The following BCL9L variants were observed in gnomAD, a reference collection of about 807,000 sequenced individuals.
BCL9L encodes B-cell CLL/lymphoma 9-like protein.
A neutral mutation model predicts 99.4 loss-of-function variants in BCL9L; 19 were observed. The observed-to-expected ratio is 0.19, with a 90% CI of 0.13 to 0.28. The LOEUF is 0.28. Ranked by LOEUF, BCL9L falls within the 10% of genes least tolerant of loss-of-function variation. The pLI, the probability that BCL9L is intolerant of heterozygous loss-of-function variation, is 1.00. For missense variants in BCL9L, 2,023 were observed against 2,101.6 expected (o/e 0.96, Z 0.73); for synonymous variants, 900 against 854.8 (o/e 1.05, Z -0.92).
rs1415279472 is a variant in BCL9L at position 118,903,917 on chromosome 11, G to A, written c.533-465C>T. The stretch of plus-strand genomic sequence containing the variant: ...CACAGTCTAGTGACCCAGTTAGGGA[G>A]AAGGCAGAGAGGGTACACAAGCTGA... On this transcript the variant is annotated intron_variant, in intron 5 of 9. Coordinates refer to ENST00000683865, the MANE Select transcript of BCL9L (RefSeq NM_001378213.1). This position sits in a 1 kb window ranked among gnomAD's most constrained non-coding sequence, Gnocchi z 5.6. Among the ~76,000 whole-genome samples, 2 of 152,224 alleles carry A rather than the reference G, an allele frequency of 1.3e-5. No homozygotes were observed. The highest frequency in any genetic ancestry group is 2.9e-5 in the Non-Finnish European group (2 of 68,044).
rs1378452995 is a variant in BCL9L, at chr11:118,898,798, G to A, written c.4117C>T (p.Arg1373Trp). ...TGCTGGCCTGGGAGGTTGGGAGGCCGAGAGGGAGTCTGCTCCGCCATCATG... is the reference window on the plus strand; with the variant it reads ...TGCTGGCCTGGGAGGTTGGGAGGCCAAGAGGGAGTCTGCTCCGCCATCATG... ...QNMMAEQTPS[R>W]PPNLPGQQGV... is the part of the protein sequence containing the mutation. Residue 1373 changes from arginine (R) to tryptophan (W), a missense_variant, in exon 10 of 10, where the codon CGG (arginine) becomes TGG (tryptophan). This residue lies in a region of BCL9L where 902 missense variants were observed against 888.2 expected (regional missense o/e 1.02). Transcript: ENST00000683865. 7 of 1,613,932 alleles carry A rather than the reference G, an allele frequency of 4.3e-6. No individual in the cohort carries two copies. The highest frequency in any genetic ancestry group is 1.3e-5 in the African/African-American group (1 of 75,024).
chr11:118,902,664 G>A lies in BCL9L; in HGVS notation c.1079C>T (p.Thr360Ile), dbSNP rs1419699570. 1 of 1,599,522 alleles carries A rather than the reference G, an allele frequency of 6.3e-7. No individual in the cohort carries two copies. Among genetic ancestry groups the A allele is most frequent in the South Asian group, 1.1e-5 (1 of 91,076 alleles). ...GTHPNTPTAT[T>I]ANNPLPPGGD... ...TCCAGGAGGCAGAGGGTTGTTGGCG[G>A]TGGTAGCCGTCGGGGTGTTAGGGTG... The change falls in exon 8 of 10, where the codon ACC becomes ATC. Residue 360 changes from threonine to isoleucine, a missense_variant. By Grantham distance (89) the Thr-to-Ile change is moderately conservative. This residue lies in a region of BCL9L where 1,116 missense variants were observed against 1,194.6 expected (regional missense o/e 0.93). Transcript: ENST00000683865. This position sits in a 1 kb window ranked among gnomAD's most constrained non-coding sequence, Gnocchi z 7.8.
chr11:118,900,665 C>G lies in BCL9L; in HGVS notation c.3078G>C (p.Pro1026=), dbSNP rs764833794. Residue 1026 remains proline (P), a synonymous_variant, in exon 8 of 10, where the codon CCG becomes CCC. Transcript: ENST00000683865. This position sits in a 1 kb window ranked among gnomAD's most constrained non-coding sequence, Gnocchi z 5.3. ...PSPGVSQNKQ[P]PLNMNSSTTL... The stretch of plus-strand genomic sequence containing the variant: ...TGGTGGAAGAGTTCATGTTGAGAGG[C>G]GGCTGCTTGTTCTGGGAGACCCCCG... 26 of 1,612,768 alleles carry G rather than the reference C, an allele frequency of 1.6e-5. No individual in the cohort carries two copies. The highest frequency in any genetic ancestry group is 6.8e-6 in the Non-Finnish European group (8 of 1,179,474).
intron 1 of BCL9L, among the ~76,000 whole-genome samples, chr11:118,919,733 C>T (rs1941090167): frequency 6.6e-6 from 1 of 152,072 alleles, no homozygotes; most frequent in Non-Finnish European, 1.5e-5. Flanking sequence ...AGGAGACCTT[C>T]GGCTGGGCTC....
chr11:118,903,533 C>G lies in BCL9L; in HGVS notation c.533-81G>C. The G allele has an allele frequency of 7.0e-7, 1 of 1,437,930 alleles. No individual in the cohort carries two copies. The allele number at this position is 1,437,930 out of a possible 1,614,324, so 89.1% of individuals were successfully genotyped here. A position where few individuals can be genotyped will look rare whatever the true frequency, so the allele number is the denominator to read the frequency against. On this transcript the variant is annotated intron_variant, in intron 5 of 9. Coordinates refer to ENST00000683865, the MANE Select transcript of BCL9L (RefSeq NM_001378213.1). The surrounding 1 kb of genome is among the most constrained non-coding windows in gnomAD (Gnocchi z 5.6). ...GCTGATGCCCCCTCCCACTGATGCT[C>G]ACAGCCTTACAGCTCGTGCCCACAG...
intron 2 of BCL9L, among the ~76,000 whole-genome samples, chr11:118,911,996 T>C (rs964396802): frequency 6.6e-6 from 1 of 152,232 alleles, no homozygotes; most frequent in African/African-American, 2.4e-5. Flanking sequence ...CAGAAGACTC[T>C]TCCAGTCACC....
chr11:118,903,487 G>A lies in BCL9L; in HGVS notation c.533-35C>T. 1 of 1,605,182 alleles carries A rather than the reference G, an allele frequency of 6.2e-7. No homozygotes were observed. The highest frequency in any genetic ancestry group is 8.5e-7 in the Non-Finnish European group (1 of 1,173,664). The stretch of plus-strand genomic sequence containing the variant: ...AGAGGACAGGGAAAGGGGCTAAGTG[G>A]TCTAGATACAAGAAGGACCAGCTGA... On this transcript the variant is annotated intron_variant, in intron 5 of 9. Coordinates refer to ENST00000683865, the MANE Select transcript of BCL9L (RefSeq NM_001378213.1). The surrounding 1 kb of genome is among the most constrained non-coding windows in gnomAD (Gnocchi z 5.6).
Position 118,908,658 on chromosome 11 carries a change from GGGA to G in BCL9L, c.27-6_27-4del. On this transcript the variant is annotated splice_region_variant and splice_polypyrimidine_tract_variant and intron_variant, in intron 3 of 9. Transcript: ENST00000683865. ...CTCTCCTCCTGGGGTGGGGTAACCT[GGGA>G]GGAGGTGGGAGAAATGTGAAAAGTT... is the stretch of plus-strand genomic sequence containing the variant. 1 of 1,601,518 alleles carries G rather than the reference GGGA, an allele frequency of 6.2e-7. No homozygotes were observed. Among genetic ancestry groups the G allele is most frequent in the South Asian group, 1.1e-5 (1 of 90,402 alleles).
Position 118,896,358 on chromosome 11 carries a change from G to C in BCL9L, c.*2057C>G, listed in dbSNP as rs1390454384. ...CATGGATGGAGGGAAGAGTAGGCTG[G>C]CCTGTGGCGTGGGTGGGAGGAGAGG... On this transcript the variant is annotated 3_prime_UTR_variant, in exon 10 of 10. Transcript: ENST00000683865. 1 of 152,938 alleles carries C rather than the reference G, an allele frequency of 6.5e-6. No homozygotes were observed. The highest frequency in any genetic ancestry group is 1.9e-4 in the East Asian group (1 of 5,178). The allele number at this position is 152,938 out of a possible 1,614,324, so 9.5% of individuals were successfully genotyped here.
chr11:118,899,106 G>A lies in BCL9L; in HGVS notation c.3809C>T (p.Pro1270Leu). Residue 1270 changes from proline to leucine, a missense_variant, in exon 10 of 10, where the codon CCG becomes CTG. By Grantham distance (98) the Pro-to-Leu change is moderately conservative (BLOSUM62 -3). Transcript: ENST00000683865. The stretch of plus-strand genomic sequence containing the variant: ...CTGCTGGGGAGGCATGGGGCCTGGC[G>A]GCTGGTTGGGCAGGTCCTCGGGAGG... ...ALPPEDLPNQPPGPMPPQQHL... is the reference protein window; with the variant it reads ...ALPPEDLPNQLPGPMPPQQHL... 6.3e-7 allele frequency: 1 copy of A among 1,579,752 alleles called. No individual in the cohort carries two copies. The highest frequency in any genetic ancestry group is 8.6e-7 in the Non-Finnish European group (1 of 1,162,340).
rs1050742883 is a variant in BCL9L, at chr11:118,897,946, G to T, written c.*469C>A. The T allele has an allele frequency of 4.5e-6, 2 of 439,700 alleles. No homozygotes were observed. The highest frequency in any genetic ancestry group is 5.4e-5 in the Admixed American group (2 of 36,896). The allele number at this position is 439,700 out of a possible 1,614,324, so 27.2% of individuals were successfully genotyped here. A position where few individuals can be genotyped will look rare whatever the true frequency, so the allele number is the denominator to read the frequency against. ...GATACGAAGCAGGTAAAGACAGAAG[G>T]AAAATGGGCGGGTGCGGAGAAACCA... On this transcript the variant is annotated 3_prime_UTR_variant, in exon 10 of 10. Transcript: ENST00000683865.
Position 118,897,951 on chromosome 11 carries a change from T to C in BCL9L, c.*464A>G, listed in dbSNP as rs1434955070. The C allele has an allele frequency of 4.6e-6, 2 of 437,284 alleles. No homozygotes were observed. Among genetic ancestry groups the C allele is most frequent in the Non-Finnish European group, 9.0e-6 (2 of 221,152 alleles). 27.1% of individuals were successfully genotyped at this position (437,284 alleles called of 1,614,324 possible). A position where few individuals can be genotyped will look rare whatever the true frequency, so the allele number is the denominator to read the frequency against. On this transcript the variant is annotated 3_prime_UTR_variant, in exon 10 of 10. Coordinates refer to ENST00000683865, the MANE Select transcript of BCL9L (RefSeq NM_001378213.1). ...GAAGCAGGTAAAGACAGAAGGAAAA[T>C]GGGCGGGTGCGGAGAAACCAAGAGG...
At chr11:118,908,188 G>GAGGACA in intron 4 of BCL9L, 82 bp downstream of exon 4, 1 of 1,491,514 alleles carries the variant, frequency 6.7e-7, no homozygotes, top group Non-Finnish European at 8.9e-7. Context: ...GACAAGCAGG[G>GAGGACA]AGCAGAGAGG....
chr11:118,899,337 C>A lies in BCL9L; in HGVS notation c.3578G>T (p.Gly1193Val), dbSNP rs759115878. 8.9e-6 allele frequency: 14 copies of A among 1,575,436 alleles called. No homozygotes were observed. The highest frequency in any genetic ancestry group is 1.7e-6 in the Non-Finnish European group (2 of 1,161,354). Residue 1193 changes from glycine (G) to valine (V), a missense_variant, in exon 10 of 10, where the codon GGG (glycine) becomes GTG (valine). Transcript: ENST00000683865. ...GGAGTTTTGAGGGGGCCCCCCTGTC[C>A]CCTGTGCGTTGGGATGCAGTGGAAT... ...SNIPLHPNAQGTGGPPQNSMM... is the reference protein window; with the variant it reads ...SNIPLHPNAQVTGGPPQNSMM...
In BCL9L at chr11:118,925,180, T is replaced by A. The variant is rs1040765673; in HGVS notation, c.-131+58A>T. ...CTCCCCGATTCAAACTGGATCTCCC[T>A]CCTCGCGCCTCTGCTGGCCTGGCAT... is the stretch of plus-strand genomic sequence containing the variant. On this transcript the variant is annotated intron_variant, in intron 1 of 9. Coordinates refer to ENST00000683865, the MANE Select transcript of BCL9L (RefSeq NM_001378213.1). The surrounding 1 kb of genome is among the most constrained non-coding windows in gnomAD (Gnocchi z 6.4). The A allele has an allele frequency of 2.5e-4, 38 of 152,556 alleles. No individual in the cohort carries two copies. Among genetic ancestry groups the A allele is most frequent in the Admixed American group, 2.3e-3 (35 of 15,304 alleles). 9.5% of individuals were successfully genotyped at this position (152,556 alleles called of 1,614,324 possible).
Position 118,915,519 on chromosome 11 carries a change from T to G in BCL9L, c.-77+3307A>C, listed in dbSNP as rs191036003. ...GCCCTCCTCTCAGAGGTCAGCTCCC[T>G]CCGCTGGCACACTCCTGGGCATCCT... On this transcript the variant is annotated intron_variant, in intron 2 of 9. Transcript: ENST00000683865. Among the ~76,000 whole-genome samples the G allele has an allele frequency of 3.5e-3, 527 of 152,170 alleles. 4 individuals are homozygous for G. Among genetic ancestry groups the G allele is most frequent in the Non-Finnish European group, 5.3e-3 (357 of 67,986 alleles).
In BCL9L at chr11:118,898,737, T is replaced by C; in HGVS notation, c.4178A>G (p.His1393Arg). The C allele has an allele frequency of 6.2e-7, 1 of 1,613,334 alleles. No homozygotes were observed. Among genetic ancestry groups the C allele is most frequent in the East Asian group, 2.2e-5 (1 of 44,860 alleles). The change falls in exon 10 of 10, where the codon CAC (histidine) becomes CGC (arginine). Residue 1393 changes from histidine to arginine, a missense_variant. Around this residue, in one of 3 missense-constraint regions of BCL9L, gnomAD observed 902 missense variants for 888.2 expected, o/e 1.02. Coordinates refer to ENST00000683865, the MANE Select transcript of BCL9L (RefSeq NM_001378213.1). The part of the protein sequence containing the change: ...VQRGLNMSMC[H>R]PGQMSLLGRT... ...GCCCAGCAAGGACATCTGTCCAGGG[T>C]GGCACATGGACATGTTGAGCCCCCG... is the stretch of plus-strand genomic sequence containing the variant.
intron 2 of BCL9L, among the ~76,000 whole-genome samples, chr11:118,912,337 C>G (rs1348832879): frequency 6.6e-6 from 1 of 152,166 alleles, no homozygotes; most frequent in Non-Finnish European, 1.5e-5. Context: ...GTGCCTCCCT[C>G]TTAGGGGGTT....
In BCL9L at chr11:118,907,579, G is replaced by T; in HGVS notation, c.436C>A (p.Arg146Ser). 6.2e-7 allele frequency: 1 copy of T among 1,613,644 alleles called. No homozygotes were observed. Among genetic ancestry groups the T allele is most frequent in the South Asian group, 1.1e-5 (1 of 91,088 alleles). The change falls in exon 5 of 10, where the codon CGC (arginine) becomes AGC (serine). Residue 146 changes from arginine (R) to serine (S), a missense_variant. Arg to Ser is a moderately radical substitution (Grantham distance 110). Transcript: ENST00000683865. ...GGCTGCTTCCGCTCCAGCACACAGC[G>T]CCGCTTACTCCGCGGCGCCACCTCT... is the stretch of plus-strand genomic sequence containing the variant. ...AKEVAPRSKR[R>S]CVLERKQPYS...
Sources: gnomAD v4.1 joint callset for allele counts (sites outside exome capture counted in the v4.1 genomes callset) on GRCh38, gnomAD v4.1.1 for gene constraint, gnomAD v4.1.1 regional missense constraint, Gnocchi (gnomAD v3.1) non-coding constraint, MANE v1.5 for transcripts, NCBI Gene and HGNC (gene_info 2026-07-23, HGNC 2026-07-21) for gene names.